The following MYO15B variants were observed in gnomAD, a reference collection of about 807,000 sequenced individuals.
MYO15B encodes myosin XVB, also known as myosin XVB pseudogene.
A neutral mutation model predicts 119.3 loss-of-function variants in MYO15B; 207 were observed. The observed-to-expected ratio is 1.73, with a 90% CI of 1.55 to 1.95. The LOEUF (loss-of-function observed/expected upper bound fraction) is 1.95, where lower values mean the gene tolerates loss of function less well. Ranked by LOEUF, MYO15B falls within the 30% of genes most tolerant of loss-of-function variation. The pLI is 0.00. For missense variants in MYO15B, 2,264 were observed against 1,203.1 expected, an observed-to-expected ratio of 1.88 and a Z score of -13.04; for synonymous variants, 966 against 498.9, an observed-to-expected ratio of 1.94 and a Z score of -12.48.
intron 23 of MYO15B, 112 bp from the exon 24 acceptor site, chr17:75,611,489 A>G (rs2058026346): frequency 9.7e-6 from 6 of 615,630 alleles, no homozygotes; most frequent in African/African-American, 5.9e-5. Context: ...AAAAAAAAAA[A>G]TCCGTGGTCT....
intron 9 of MYO15B, among the ~76,000 whole-genome samples, chr17:75,593,921 G>GAAT (rs1466710375): frequency 1.5e-5 from 1 of 65,712 alleles, no homozygotes; most frequent in East Asian, 4.7e-4. Context: ...CTCAGTCTCA[G>GAAT]AAGAAAAAAA....
At chr17:75,597,252 G>A (rs1011423777) in intron 14 of MYO15B, among the ~76,000 whole-genome samples, 11 of 152,210 alleles carry the variant, frequency 7.2e-5, no homozygotes, top group African/African-American at 2.7e-4. Context: ...ATTGTGGCTA[G>A]GTGGCCACTG....
rs2148112884 is a variant in MYO15B at position 75,621,334 on chromosome 17, G to A, written c.7872-11G>A. The A allele has an allele frequency of 1.4e-6, 1 of 695,620 alleles. No individual in the cohort carries two copies. Among genetic ancestry groups the A allele is most frequent in the Non-Finnish European group, 2.6e-6 (1 of 379,680 alleles). The allele number at this position is 695,620 out of a possible 1,614,324, so 43.1% of individuals were successfully genotyped here. A position where few individuals can be genotyped will look rare whatever the true frequency, so the allele number is the denominator to read the frequency against. On this transcript the variant is annotated splice_polypyrimidine_tract_variant and intron_variant, in intron 50 of 63. Transcript: ENST00000645453. ...CAAACAAGCTGGGCTGTCTCCCTCT[G>A]CCCCCCACAGGCTGGGCCAGACTGA...
chr17:75,588,533 G>A, exon 1 of MYO15B: 1 of 398,680 alleles, frequency 2.5e-6, no homozygotes, highest in Non-Finnish European at 4.4e-6. Context: ...GGCAGCTCCT[G>A]TCCGGACAGC....
At chr17:75,620,091 TC>T in intron 47 of MYO15B, 71 bp downstream of exon 47, 1 of 674,468 alleles carries the variant, frequency 1.5e-6, no homozygotes, top group Non-Finnish European at 2.7e-6. Flanking sequence ...CTGTCCGTCT[TC>T]CCTGTGGGGG....
At chr17:75,610,419 G>A (rs559778546) in intron 22 of MYO15B, among the ~76,000 whole-genome samples, 160 bp downstream of exon 22, 2 of 152,200 alleles carry the variant, frequency 1.3e-5, no homozygotes, top group Non-Finnish European at 2.9e-5. Context: ...CCCTCCGGCC[G>A]GGGTAGGCCG....
chr17:75,603,880 T>G (rs2057447001), intron 19 of MYO15B, among the ~76,000 whole-genome samples: 1 of 152,172 alleles, frequency 6.6e-6, no homozygotes, highest in Non-Finnish European at 1.5e-5. Context: ...TTGGGAATCC[T>G]CTGAAGGGCT....
exon 5 of MYO15B, chr17:75,591,616 T>G (rs2056457501): frequency 1.4e-6 from 1 of 702,650 alleles, no homozygotes; most frequent in Non-Finnish European, 2.6e-6. Context: ...CCCACTGCAG[T>G]GGGCACAGTG....
At position 75,596,533 on chromosome 17, in the gene MYO15B, A is replaced by T. The variant is rs186993758; in HGVS notation, c.3371A>T (p.Gln1124Leu). The T allele has an allele frequency of 1.4e-4, 95 of 703,050 alleles. 1 individual carries two copies. In the African/African-American group the frequency reaches 1.6e-3, roughly 12 times the overall value. The allele number at this position is 703,050 out of a possible 1,614,324, so 43.6% of individuals were successfully genotyped here. A position where few individuals can be genotyped will look rare whatever the true frequency, so the allele number is the denominator to read the frequency against. ...GAGCGCCTACAGCTCTTCTCCAGCCAGATGCTGCTGGCCCAGGAGGAGGTA... is the reference window on the plus strand; with the variant it reads ...GAGCGCCTACAGCTCTTCTCCAGCCTGATGCTGCTGGCCCAGGAGGAGGTA... Residue 1124 changes from glutamine (Q) to leucine (L), a missense_variant, in exon 13 of 64, where the codon CAG becomes CTG. Coordinates refer to ENST00000645453, the Ensembl canonical transcript of MYO15B.
In MYO15B at chr17:75,615,430, G is replaced by A. The variant is rs1318955644; in HGVS notation, c.5741-73G>A. 4.4e-6 allele frequency: 3 copies of A among 676,558 alleles called. 1 individual carries two copies. The highest frequency in any genetic ancestry group is 3.1e-5 in the South Asian group (2 of 63,938). 41.9% of individuals were successfully genotyped at this position (676,558 alleles called of 1,614,324 possible). On this transcript the variant is annotated intron_variant, in intron 34 of 63. Transcript: ENST00000645453. ...GAGGGAGGGTCCTGCTAGGAGTCCC[G>A]AGTGCACAGTGGGCAGCGAGCTTCA...
intron 49 of MYO15B, 61 bp from the exon 50 acceptor site, chr17:75,620,970 G>A (rs938963768): frequency 5.7e-6 from 4 of 702,798 alleles, no homozygotes; most frequent in Middle Eastern, 2.3e-4. Context: ...TGGGGCTGGG[G>A]CAGGACCCCT....
chr17:75,624,190 G>A, exon 56 of MYO15B: 1 of 703,014 alleles, frequency 1.4e-6, no homozygotes, highest in South Asian at 1.5e-5. Flanking sequence ...GCCCGGAGCA[G>A]CCAGGAGCAC....
exon 14 of MYO15B, chr17:75,596,818 G>A (rs1445048585): frequency 1.8e-5 from 13 of 702,826 alleles, no homozygotes; most frequent in Non-Finnish European, 2.9e-5. Flanking sequence ...CTCAGCCTCC[G>A]AGGGAGTCCT....
chr17:75,619,089 TG>T (rs1286421977), intron 43 of MYO15B, 53 bp from the exon 44 acceptor site: 1 of 701,992 alleles, frequency 1.4e-6, no homozygotes, highest in African/African-American at 1.7e-5. Context: ...ATGGCTGCTC[TG>T]GGGGTGGGCT....
exon 57 of MYO15B, chr17:75,624,385 C>G (rs573563032): frequency 1.4e-6 from 1 of 702,522 alleles, no homozygotes; most frequent in Admixed American, 2.0e-5. Flanking sequence ...ACAAGCGATT[C>G]GCCTGCTTCT....
At chr17:75,615,397 G>T in intron 34 of MYO15B, 59 bp downstream of exon 34, 1 of 686,902 alleles carries the variant, frequency 1.5e-6, no homozygotes, top group South Asian at 1.5e-5. Flanking sequence ...CCAGCTCTGG[G>T]ACTGGAGGAG....
chr17:75,596,755 C>G lies in MYO15B; in HGVS notation c.3394-13C>G. The G allele has an allele frequency of 1.4e-6, 1 of 694,504 alleles. No homozygotes were observed. Among genetic ancestry groups the G allele is most frequent in the Non-Finnish European group, 2.6e-6 (1 of 380,826 alleles). The allele number at this position is 694,504 out of a possible 1,614,324, so 43.0% of individuals were successfully genotyped here. On this transcript the variant is annotated splice_polypyrimidine_tract_variant and intron_variant, in intron 13 of 63. Coordinates refer to ENST00000645453, the Ensembl canonical transcript of MYO15B. ...CTGCTCCTGCAAAATGGCCAAATGC[C>G]GGCTGTTCCCAGGAGGAGTGTCGGC...
At chr17:75,623,022 G>A (rs546540866) in intron 53 of MYO15B, among the ~76,000 whole-genome samples, 1 of 151,292 alleles carries the variant, frequency 6.6e-6, no homozygotes, top group South Asian at 2.1e-4. Flanking sequence ...GGAGCCAGCA[G>A]AGATGAGTAA....
chr17:75,592,799 G>A (rs1404943495), exon 9 of MYO15B: 15 of 702,456 alleles, frequency 2.1e-5, no homozygotes, highest in Non-Finnish European at 2.9e-5. Context: ...TGTGCTGGCC[G>A]CCATCCTGCA....
Sources: gnomAD v4.1 joint callset for allele counts (sites outside exome capture counted in the v4.1 genomes callset) on GRCh38, gnomAD v4.1.1 for gene constraint, MANE v1.5 for transcripts, NCBI Gene and HGNC (gene_info 2026-07-23, HGNC 2026-07-21) for gene names.